Variants in SAMD12 observed in about 807,000 individuals in gnomAD.
SAMD12 encodes the protein sterile alpha motif domain containing 12.
Under a neutral mutation model 15.0 loss-of-function variants are expected in SAMD12, and 9 were observed. The ratio of observed to expected loss-of-function variants is 0.60; its 90% CI spans 0.36 to 1.05. The LOEUF is 1.05. SAMD12 is among the 50% of genes least tolerant of loss of function. The pLI is 0.01. For missense variants in SAMD12, 230 were observed against 234.2 expected (o/e 0.98, Z 0.12); for synonymous variants, 86 against 90.1 (o/e 0.96, Z 0.25).
At chr8:118,262,692 T>G (rs1306357623) in intron 4 of SAMD12, among the ~76,000 whole-genome samples, 1 of 152,086 alleles carries the variant, frequency 6.6e-6, no homozygotes, top group Non-Finnish European at 1.5e-5. Flanking sequence ...TTCATGGCAT[T>G]GAAATGACTT....
intron 4 of SAMD12, among the ~76,000 whole-genome samples, chr8:118,299,624 T>C (rs1477403690): frequency 6.6e-6 from 1 of 152,114 alleles, no homozygotes; most frequent in Non-Finnish European, 1.5e-5. Flanking sequence ...CTTGGTCTTA[T>C]CCAACATGGA....
At chr8:118,332,457 T>C (rs1485613148) in intron 4 of SAMD12, among the ~76,000 whole-genome samples, 1 of 152,246 alleles carries the variant, frequency 6.6e-6, no homozygotes, top group Non-Finnish European at 1.5e-5. Flanking sequence ...TTCACTAATT[T>C]GACTCATTTC....
At chr8:118,159,719 CTT>C in the SAMD12 span, among the ~76,000 whole-genome samples, 1,118 of 143,252 alleles carry the variant, frequency 7.8e-3, 21 homozygotes, top group African/African-American at 0.027. Context: ...CTTTTTTTTT[CTT>C]TTTTTTTTTT....
the SAMD12 span, among the ~76,000 whole-genome samples, chr8:118,154,260 C>T: frequency 6.6e-6 from 1 of 152,092 alleles, no homozygotes; most frequent in African/African-American, 2.4e-5. Context: ...TTCGTTTCAC[C>T]CCATCTGTCC....
chr8:118,149,634 A>G, the SAMD12 span, among the ~76,000 whole-genome samples: 2 of 152,190 alleles, frequency 1.3e-5, no homozygotes, highest in African/African-American at 4.8e-5. Context: ...TGCATTGTCT[A>G]AGACATCTCT....
intron 4 of SAMD12, among the ~76,000 whole-genome samples, chr8:118,327,837 G>C (rs1165991522): frequency 1.3e-5 from 2 of 152,234 alleles, no homozygotes; most frequent in East Asian, 3.9e-4. Flanking sequence ...CTTGCACCAA[G>C]GTCCTGACAT....
At position 118,282,364 on chromosome 8, in the gene SAMD12, G is replaced by A. The variant is rs11562783; in HGVS notation, c.434-84632C>T. On this transcript the variant is annotated intron_variant, in intron 4 of 4. Transcript: ENST00000409003. ...AGGCTTTCTCCTTCTCAATGCTCTC[G>A]TATAGGCTGGTGTTGGTTGAAAGCT... The A allele has an allele frequency of 2.6e-5, 12 of 456,202 alleles. No homozygotes were observed. In the East Asian group the frequency reaches 3.5e-4, roughly 13 times the overall value. The allele number at this position is 456,202 out of a possible 1,614,324, so 28.3% of individuals were successfully genotyped here.
chr8:118,135,083 G>T, the SAMD12 span, among the ~76,000 whole-genome samples: 1 of 152,174 alleles, frequency 6.6e-6, no homozygotes, highest in Non-Finnish European at 1.5e-5. Context: ...GTATATGCTA[G>T]AGAAAATGAC....
chr8:118,239,376 A>G (rs1178984883), intron 4 of SAMD12, among the ~76,000 whole-genome samples: 1 of 152,188 alleles, frequency 6.6e-6, no homozygotes, highest in Admixed American at 6.5e-5. Context: ...ATAATTGCAT[A>G]TAGTAATCCT....
At chr8:118,335,124 C>T (rs1290413114) in intron 4 of SAMD12, among the ~76,000 whole-genome samples, 5 of 152,096 alleles carry the variant, frequency 3.3e-5, no homozygotes, top group South Asian at 4.1e-4. Flanking sequence ...GGTCCAGAAA[C>T]GTCCTAGCCC....
At chr8:118,294,700 ATAT>A (rs1814612245) in intron 4 of SAMD12, among the ~76,000 whole-genome samples, 1 of 152,244 alleles carries the variant, frequency 6.6e-6, no homozygotes, top group African/African-American at 2.4e-5. Flanking sequence ...CAGAGTATAA[ATAT>A]TATCTCACAT....
intron 3 of SAMD12, among the ~76,000 whole-genome samples, chr8:118,390,513 T>C (rs531910723): frequency 5.3e-5 from 8 of 152,282 alleles, no homozygotes; most frequent in Non-Finnish European, 1.0e-4. Context: ...AACCTAGAGA[T>C]GCATTGCAAA....
chr8:118,547,279 C>A (rs1442225868), intron 2 of SAMD12, among the ~76,000 whole-genome samples: 1 of 152,144 alleles, frequency 6.6e-6, no homozygotes, highest in Non-Finnish European at 1.5e-5. Flanking sequence ...CTTTCCTGTT[C>A]CCTGCACCTG....
intron 3 of SAMD12, among the ~76,000 whole-genome samples, chr8:118,398,628 C>T (rs1289990182): frequency 1.3e-5 from 2 of 152,018 alleles, no homozygotes; most frequent in African/African-American, 4.8e-5. Flanking sequence ...ATCACTTCCA[C>T]TTATATACAG....
chr8:118,557,235 G>A (rs546597918), intron 2 of SAMD12, among the ~76,000 whole-genome samples: 30 of 152,282 alleles, frequency 2.0e-4, no homozygotes, highest in African/African-American at 7.2e-4. Context: ...GGTTTATAAG[G>A]CAGTTTTCCC....
At chr8:118,374,130 T>C (rs111688750), downstream of SAMD12, among the ~76,000 whole-genome samples, 1 of 152,144 alleles carries the variant, frequency 6.6e-6, no homozygotes, top group African/African-American at 2.4e-5. Context: ...CTGAAACTTG[T>C]ACATGAAACA....
chr8:118,190,731 G>A (rs1819344479), exon 5 of SAMD12: 1 of 152,094 alleles, frequency 6.6e-6, no homozygotes, highest in South Asian at 2.1e-4. Context: ...TCTTCCCTTA[G>A]CTCATTTTAG....
chr8:118,344,480 A>G (rs1817530840), intron 4 of SAMD12, among the ~76,000 whole-genome samples: 1 of 152,236 alleles, frequency 6.6e-6, no homozygotes, highest in Non-Finnish European at 1.5e-5. Context: ...CAGTTTAAAG[A>G]TGAGGAAATA....
intron 4 of SAMD12, among the ~76,000 whole-genome samples, chr8:118,225,513 G>A (rs2129892517): frequency 6.6e-6 from 1 of 152,278 alleles, no homozygotes; most frequent in Non-Finnish European, 1.5e-5. Context: ...TCTGTACCAT[G>A]CTGGGGGCAG....
Sources: allele counts gnomAD v4.1 joint callset (sites outside exome capture counted in the v4.1 genomes callset), GRCh38; gene constraint gnomAD v4.1.1; transcripts MANE v1.5; gene names NCBI Gene and HGNC (gene_info 2026-07-23, HGNC 2026-07-21).